LEMD1: variants seen among roughly 807,000 people sequenced by gnomAD.
LEMD1 encodes the protein LEM domain containing 1.
A neutral mutation model predicts 17.4 loss-of-function variants in LEMD1; 18 were observed. The ratio of observed to expected loss-of-function variants is 1.04; its 90% CI spans 0.72 to 1.54. The LOEUF is 1.54. Among genes scored for constraint, LEMD1 ranks in the 40% most tolerant of loss-of-function variants. The pLI, the probability that LEMD1 is intolerant of heterozygous loss-of-function variation, is 0.00. For synonymous variants in LEMD1, 88 were observed against 77.8 expected, an observed-to-expected ratio of 1.13 and a Z score of -0.69; for missense variants, 195 against 210.4, an observed-to-expected ratio of 0.93 and a Z score of 0.45.
At chr1:205,384,048 C>G (rs1558703629) in intron 5 of LEMD1, among the ~76,000 whole-genome samples, 1 of 151,476 alleles carries the variant, frequency 6.6e-6, no homozygotes, top group Non-Finnish European at 1.5e-5. Context: ...GCTGTGATCT[C>G]AGTCCACTGC....
chr1:205,384,266 A>T (rs560494273), intron 5 of LEMD1, 22 bp downstream of exon 5: 1 of 1,382,338 alleles, frequency 7.2e-7, no homozygotes, highest in Non-Finnish European at 9.7e-7. Flanking sequence ...CAATTTCCAC[A>T]TATGCTAAAA....
chr1:205,426,879 G>C (rs1045692661), upstream of LEMD1, among the ~76,000 whole-genome samples: 1 of 152,148 alleles, frequency 6.6e-6, no homozygotes, highest in African/African-American at 2.4e-5. Flanking sequence ...GGCAGGATGG[G>C]AGAAAGAAGG....
At chr1:205,383,949 ATT>A (rs112731126) in intron 5 of LEMD1, among the ~76,000 whole-genome samples, 98 of 130,652 alleles carry the variant, frequency 7.5e-4, no homozygotes, top group Admixed American at 8.0e-4. Context: ...TATCCTTTAC[ATT>A]TTTTTTTTTT....
At chr1:205,423,632 G>C (rs1003091233), upstream of LEMD1, among the ~76,000 whole-genome samples, 5 of 152,158 alleles carry the variant, frequency 3.3e-5, no homozygotes, top group African/African-American at 1.2e-4. Flanking sequence ...TTATTCTCTT[G>C]AAAATCCACC....
At chr1:205,405,121 T>C (rs1360299492) in intron 4 of LEMD1, among the ~76,000 whole-genome samples, 2 of 152,208 alleles carry the variant, frequency 1.3e-5, no homozygotes, top group Non-Finnish European at 2.9e-5. Flanking sequence ...CTTTTCTCTC[T>C]GGCTGCCCTT....
chr1:205,394,958 G>A (rs1664520785), intron 4 of LEMD1, among the ~76,000 whole-genome samples: 1 of 151,312 alleles, frequency 6.6e-6, no homozygotes, highest in Admixed American at 6.6e-5. Context: ...CTGCACTACA[G>A]CCTGGGTGAC....
intron 1 of LEMD1, among the ~76,000 whole-genome samples, chr1:205,428,086 G>T (rs1666080348): frequency 6.6e-6 from 1 of 152,234 alleles, no homozygotes; most frequent in South Asian, 2.1e-4. Flanking sequence ...GAGCTCTTAG[G>T]CTTTATCCTA....
chr1:205,396,177 G>T (rs1263289825), intron 4 of LEMD1, among the ~76,000 whole-genome samples: 4 of 152,054 alleles, frequency 2.6e-5, no homozygotes, highest in African/African-American at 9.7e-5. Context: ...TCAGCTGATT[G>T]TTTTCTTAAA....
chr1:205,442,956 T>C (rs1211912015), intron 1 of LEMD1, among the ~76,000 whole-genome samples: 1 of 152,170 alleles, frequency 6.6e-6, no homozygotes, highest in Non-Finnish European at 1.5e-5. Context: ...GGGCCTTCAT[T>C]ACCTCATTTC....
intron 1 of LEMD1, among the ~76,000 whole-genome samples, chr1:205,430,356 A>C (rs1381493095): frequency 6.6e-6 from 1 of 152,156 alleles, no homozygotes; most frequent in Non-Finnish European, 1.5e-5. Flanking sequence ...ATCTGAATGG[A>C]GCCCATGAAG....
At chr1:205,428,546 C>A (rs1666086796) in intron 1 of LEMD1, among the ~76,000 whole-genome samples, 1 of 152,148 alleles carries the variant, frequency 6.6e-6, no homozygotes, top group Non-Finnish European at 1.5e-5. Flanking sequence ...GACACACAAG[C>A]AAATGGAGTG....
intron 4 of LEMD1, among the ~76,000 whole-genome samples, chr1:205,408,835 A>G (rs1000937029): frequency 2.0e-5 from 3 of 150,996 alleles, no homozygotes; most frequent in Admixed American, 2.0e-4. Context: ...AGTCCCAAAT[A>G]CCGGAAGGGC....
intron 4 of LEMD1, among the ~76,000 whole-genome samples, chr1:205,395,660 C>T (rs537722786): frequency 6.7e-6 from 1 of 149,314 alleles, no homozygotes; most frequent in South Asian, 2.2e-4. Context: ...AATATTAGCA[C>T]ATCTAATTTT....
At chr1:205,434,742 T>C (rs1221939809) in intron 1 of LEMD1, 1 of 152,186 alleles carries the variant, frequency 6.6e-6, no homozygotes, top group African/African-American at 2.4e-5. Context: ...CTCCTGACTC[T>C]TCCCCCCAGT....
chr1:205,389,234 A>G (rs1664216073), intron 4 of LEMD1, among the ~76,000 whole-genome samples: 1 of 151,676 alleles, frequency 6.6e-6, no homozygotes, highest in African/African-American at 2.4e-5. Flanking sequence ...TTTTTAGTAG[A>G]GATGGGGAGT....
chr1:205,431,780 G>A (rs182380373), intron 1 of LEMD1, among the ~76,000 whole-genome samples: 6 of 152,076 alleles, frequency 3.9e-5, no homozygotes, highest in Admixed American at 3.9e-4. Flanking sequence ...GCAGTGGTGC[G>A]ATCTTGGCTC....
chr1:205,401,894 G>T (rs1349587475), intron 4 of LEMD1, among the ~76,000 whole-genome samples: 1 of 152,162 alleles, frequency 6.6e-6, no homozygotes, highest in East Asian at 1.9e-4. Flanking sequence ...GTGTAAGGAA[G>T]GGATCCAGTT....
intron 1 of LEMD1, 68 bp from the exon 2 acceptor site, chr1:205,420,642 C>A: frequency 1.2e-6 from 1 of 856,068 alleles, no homozygotes. Context: ...GTTACCAATC[C>A]ACATAAGTGT....
rs199768531 is a variant in LEMD1, at chr1:205,419,356, A to G, written c.83-4T>C. 7.8e-4 allele frequency: 1,262 copies of G among 1,614,086 alleles called. 2 individuals are homozygous for G. The highest frequency in any genetic ancestry group is 8.9e-4 in the Non-Finnish European group (1,051 of 1,180,016). ...TCATACAACTTTCTGGTGGAAGCTG[A>G]GGAAGAATTTGGAGAACAAATTAAA... On this transcript the variant is annotated splice_polypyrimidine_tract_variant and splice_region_variant and intron_variant, in intron 2 of 5. Transcript: ENST00000367153.
Sources: gnomAD v4.1 joint callset for allele counts (sites outside exome capture counted in the v4.1 genomes callset) on GRCh38, gnomAD v4.1.1 for gene constraint, MANE v1.5 for transcripts, NCBI Gene and HGNC (gene_info 2026-07-23, HGNC 2026-07-21) for gene names.